The following SLC9A9 variants were observed in gnomAD, a reference collection of about 807,000 sequenced individuals.
SLC9A9 encodes solute carrier family 9 member A9.
A neutral mutation model predicts 77.8 loss-of-function variants in SLC9A9; 62 were observed. That is an observed-to-expected ratio of 0.80 (90% CI 0.65 to 0.98). The LOEUF (loss-of-function observed/expected upper bound fraction) is 0.98, where lower values mean the gene tolerates loss of function less well. Among genes scored for constraint, SLC9A9 ranks in the 50% least tolerant of loss-of-function variants. SLC9A9 has a pLI of 0.00. For synonymous variants in SLC9A9, 320 were observed against 283.5 expected (o/e 1.13, Z -1.29); for missense variants, 775 against 774.9 (o/e 1.00, Z 0.00).
chr3:143,678,225 G>A (rs950047256), intron 5 of SLC9A9, among the ~76,000 whole-genome samples: 13 of 152,036 alleles, frequency 8.6e-5, no homozygotes, highest in Non-Finnish European at 4.4e-5. Context: ...TCTGTCCTTC[G>A]TATTTTAATA....
At chr3:143,613,719 C>CT (rs11294186) in intron 6 of SLC9A9, among the ~76,000 whole-genome samples, 94 of 148,424 alleles carry the variant, frequency 6.3e-4, no homozygotes, top group Non-Finnish European at 8.7e-4. Context: ...ACATGCCTCT[C>CT]TTTTTTTTTT....
At chr3:143,462,919 C>T (rs979266150) in intron 12 of SLC9A9, among the ~76,000 whole-genome samples, 5 of 152,268 alleles carry the variant, frequency 3.3e-5, no homozygotes, top group Admixed American at 6.5e-5. Context: ...TGCAGCCTGG[C>T]GGTGGTGTAA....
At chr3:143,533,637 A>T (rs1200036034) in intron 9 of SLC9A9, among the ~76,000 whole-genome samples, 2 of 152,240 alleles carry the variant, frequency 1.3e-5, no homozygotes, top group African/African-American at 4.8e-5. Flanking sequence ...ACATCTTTAG[A>T]TATCATATAT....
chr3:143,772,022 A>ATGTGTGTGTGTGTGTGTGTGTG (rs55750613), intron 4 of SLC9A9, among the ~76,000 whole-genome samples: 84 of 141,712 alleles, frequency 5.9e-4, no homozygotes, highest in African/African-American at 2.1e-3. Context: ...CATCCCCAGA[A>ATGTGTGTGTGTGTGTGTGTGTG]TGTGTGTGTG....
intron 14 of SLC9A9, among the ~76,000 whole-genome samples, chr3:143,332,795 G>A (rs1489667756): frequency 2.0e-5 from 3 of 152,182 alleles, no homozygotes; most frequent in Non-Finnish European, 2.9e-5. Flanking sequence ...GATGGGAAAT[G>A]ATTTGCTTCC....
rs531760080 is a variant in SLC9A9, at chr3:143,507,344, A to G, written c.1090-11896T>C. Among the ~76,000 whole-genome samples the G allele has an allele frequency of 5.5e-4, 84 of 152,110 alleles. No homozygotes were observed. In the South Asian group the frequency reaches 0.017, roughly 31 times the overall value. Reference sequence around the variant, plus strand: ...TGCCTCAGCCTCCCGAGTAGCTGGGACTACAGGTGCCCGCCACAGCGCCCG... The same window carrying G: ...TGCCTCAGCCTCCCGAGTAGCTGGGGCTACAGGTGCCCGCCACAGCGCCCG... On this transcript the variant is annotated intron_variant, in intron 9 of 15. Transcript: ENST00000316549.
chr3:143,435,418 T>TTTAAATAC (rs1487394749), intron 12 of SLC9A9, among the ~76,000 whole-genome samples: 1 of 152,196 alleles, frequency 6.6e-6, no homozygotes, highest in Admixed American at 6.5e-5. Context: ...GTAAACAAGC[T>TTTAAATAC]TTAAATACTT....
intron 14 of SLC9A9, among the ~76,000 whole-genome samples, chr3:143,307,618 C>A (rs1000341553): frequency 6.6e-6 from 1 of 152,170 alleles, no homozygotes; most frequent in Non-Finnish European, 1.5e-5. Flanking sequence ...AGCCTGGCTT[C>A]GGTCTCTGAA....
At chr3:143,673,617 T>TA (rs2039192440) in intron 5 of SLC9A9, among the ~76,000 whole-genome samples, 1 of 151,934 alleles carries the variant, frequency 6.6e-6, no homozygotes, top group African/African-American at 2.4e-5. Context: ...CCATACTTAT[T>TA]AATTATATTG....
chr3:143,416,015 G>A (rs1409723950), intron 12 of SLC9A9, among the ~76,000 whole-genome samples: 1 of 152,192 alleles, frequency 6.6e-6, no homozygotes, highest in Non-Finnish European at 1.5e-5. Flanking sequence ...GGTTGGGGGA[G>A]TGGGGCTCAA....
In SLC9A9 at chr3:143,720,489, AG is replaced by A. The variant is rs576304619; in HGVS notation, c.534-27183del. Reference sequence around the variant, plus strand: ...CAATGCCTCCGGCCTCACTTGCTGAAGAAAGAACAAATGAGCAGGTGCAGAG... The same window carrying A: ...CAATGCCTCCGGCCTCACTTGCTGAAAAAGAACAAATGAGCAGGTGCAGAG... On this transcript the variant is annotated intron_variant, in intron 4 of 15. Transcript: ENST00000316549. Among the ~76,000 whole-genome samples the A allele has an allele frequency of 4.6e-5, 7 of 152,338 alleles. No homozygotes were observed. In the South Asian group the frequency reaches 1.2e-3, roughly 27 times the overall value.
At chr3:143,847,506 A>G (rs2009854516) in intron 1 of SLC9A9, 1 of 152,406 alleles carries the variant, frequency 6.6e-6, no homozygotes, top group Non-Finnish European at 1.5e-5. Flanking sequence ...TAGGAGATAC[A>G]TAACAAATAA....
At chr3:143,689,904 G>A (rs980467127) in intron 5 of SLC9A9, among the ~76,000 whole-genome samples, 2 of 151,856 alleles carry the variant, frequency 1.3e-5, no homozygotes, top group African/African-American at 2.4e-5. Flanking sequence ...AAGGAGACAG[G>A]GAGAGAAGCT....
At chr3:143,344,456 C>G (rs1316727919) in intron 14 of SLC9A9, 3 of 152,094 alleles carry the variant, frequency 2.0e-5, no homozygotes, top group Non-Finnish European at 2.9e-5. Context: ...TAAGAGACAC[C>G]TCTTTTACAG....
chr3:143,323,860 T>C (rs2031496264), intron 14 of SLC9A9, among the ~76,000 whole-genome samples: 1 of 152,212 alleles, frequency 6.6e-6, no homozygotes, highest in Admixed American at 6.5e-5. Context: ...ATAATACATA[T>C]GCACCCTGAG....
chr3:143,445,919 C>T (rs2034833173), intron 12 of SLC9A9, among the ~76,000 whole-genome samples: 2 of 152,026 alleles, frequency 1.3e-5, no homozygotes, highest in South Asian at 4.1e-4. Context: ...TCAAGACTAA[C>T]AAGAACAGCT....
In SLC9A9 at chr3:143,747,311, G is replaced by A. The variant is rs183761969; in HGVS notation, c.533+47690C>T. 3.2e-3 allele frequency among the ~76,000 whole-genome samples: 492 copies of A among 151,810 alleles called. 1 individual carries two copies. The highest frequency in any genetic ancestry group is 4.8e-3 in the Non-Finnish European group (327 of 67,958). Reference sequence around the variant, plus strand: ...CCCAGCTACTTGGGAGGCTGAGGCAGGAGAATTGCTTGCTACTGGAAGGTG... The same window carrying A: ...CCCAGCTACTTGGGAGGCTGAGGCAAGAGAATTGCTTGCTACTGGAAGGTG... On this transcript the variant is annotated intron_variant, in intron 4 of 15. Coordinates refer to ENST00000316549, the MANE Select transcript of SLC9A9 (RefSeq NM_173653.4).
chr3:143,543,823 C>G (rs2108632238), intron 9 of SLC9A9, among the ~76,000 whole-genome samples: 1 of 151,236 alleles, frequency 6.6e-6, no homozygotes, highest in African/African-American at 2.4e-5. Flanking sequence ...CCATGTCTTT[C>G]TTATTATGAA....
At chr3:143,500,400 A>G (rs934637223) in intron 9 of SLC9A9, among the ~76,000 whole-genome samples, 13 of 152,168 alleles carry the variant, frequency 8.5e-5, no homozygotes, top group Non-Finnish European at 1.5e-4. Context: ...TGTTTTCAAG[A>G]AGCAACTTTG....
Sources: allele counts gnomAD v4.1 joint callset (sites outside exome capture counted in the v4.1 genomes callset), GRCh38; gene constraint gnomAD v4.1.1; transcripts MANE v1.5; gene names NCBI Gene and HGNC (gene_info 2026-07-23, HGNC 2026-07-21).